The following TNKS variants were observed in gnomAD, a reference collection of about 807,000 sequenced individuals.
The protein encoded by TNKS is poly [ADP-ribose] polymerase tankyrase-1.
Under a neutral mutation model 135.8 loss-of-function variants are expected in TNKS, and 72 were observed. The observed-to-expected ratio is 0.53, with a 90% CI of 0.44 to 0.64. The LOEUF (loss-of-function observed/expected upper bound fraction) is 0.64, where lower values mean the gene tolerates loss of function less well. Ranked by LOEUF, TNKS falls within the 30% of genes least tolerant of loss-of-function variation. TNKS has a pLI of 0.00. For missense variants in TNKS, 1,769 were observed against 1,674.0 expected, an observed-to-expected ratio of 1.06 and a Z score of -0.99; for synonymous variants, 849 against 649.3, an observed-to-expected ratio of 1.31 and a Z score of -4.68.
chr8:9,593,877 T>TTTATTA (rs199768208), intron 2 of TNKS, among the ~76,000 whole-genome samples: 2 of 130,670 alleles, frequency 1.5e-5, no homozygotes, highest in Admixed American at 7.5e-5. Context: ...TATTTATTTA[T>TTTATTA]TTATTATTAT....
At chr8:9,765,912 T>G in intron 24 of TNKS, 115 bp downstream of exon 24, 1 of 831,106 alleles carries the variant, frequency 1.2e-6, no homozygotes, top group Non-Finnish European at 1.9e-6. Context: ...CGGCTTGTTT[T>G]GATTATTTTG....
chr8:9,588,992 A>G (rs762545371), intron 2 of TNKS, among the ~76,000 whole-genome samples: 5 of 152,192 alleles, frequency 3.3e-5, no homozygotes, highest in Non-Finnish European at 7.3e-5. Flanking sequence ...CATCATGGAT[A>G]TTATTGTCAT....
intron 12 of TNKS, among the ~76,000 whole-genome samples, chr8:9,720,812 A>G (rs1057072637): frequency 2.6e-5 from 4 of 152,188 alleles, no homozygotes; most frequent in Middle Eastern, 3.2e-3. Flanking sequence ...TAAAACTCAT[A>G]TAAACAGTGT....
chr8:9,618,727 T>C (rs969366260), intron 3 of TNKS, among the ~76,000 whole-genome samples: 3 of 152,204 alleles, frequency 2.0e-5, no homozygotes, highest in South Asian at 2.1e-4. Flanking sequence ...TACATTCATT[T>C]GGAAATTGAG....
Position 9,780,497 on chromosome 8 carries a change from A to C in TNKS, c.*3761A>C, listed in dbSNP as rs1295601067. On this transcript the variant is annotated 3_prime_UTR_variant, in exon 27 of 27. Coordinates refer to ENST00000310430, the MANE Select transcript of TNKS (RefSeq NM_003747.3). Reference sequence around the variant, plus strand: ...CAGATCAGTGACAGAAGTGAAAAGAAAGTAATTGTGAAAGTGATGTTTGAG... The same window carrying C: ...CAGATCAGTGACAGAAGTGAAAAGACAGTAATTGTGAAAGTGATGTTTGAG... 1 of 152,196 alleles carries C rather than the reference A, an allele frequency of 6.6e-6. No individual in the cohort carries two copies. The highest frequency in any genetic ancestry group is 1.5e-5 in the Non-Finnish European group (1 of 68,024). The allele number at this position is 152,196 out of a possible 1,614,324, so 9.4% of individuals were successfully genotyped here.
chr8:9,624,040 A>ACG (rs776249130), intron 3 of TNKS, among the ~76,000 whole-genome samples: 11,334 of 151,616 alleles, frequency 0.075, 455 homozygotes, highest in South Asian at 0.17. Context: ...AACAACAACA[A>ACG]AAAACAACTA....
At chr8:9,566,606 T>C (rs929876567) in intron 1 of TNKS, 32 of 141,458 alleles carry the variant, frequency 2.3e-4, no homozygotes, top group African/African-American at 8.4e-4. Flanking sequence ...TTTTTTTTTT[T>C]TTTTTTTTTT....
chr8:9,702,456 A>G (rs1314717802), intron 5 of TNKS, among the ~76,000 whole-genome samples: 1 of 152,204 alleles, frequency 6.6e-6, no homozygotes, highest in African/African-American at 2.4e-5. Flanking sequence ...GAACAAAGAT[A>G]AGGGTAACAG....
At chr8:9,598,148 C>G (rs1377768586) in intron 2 of TNKS, among the ~76,000 whole-genome samples, 2 of 152,116 alleles carry the variant, frequency 1.3e-5, no homozygotes, top group Non-Finnish European at 2.9e-5. Context: ...AGGGTTCACG[C>G]CATTCTCCTG....
In TNKS at chr8:9,690,336, A is replaced by G. The variant is rs375485921; in HGVS notation, c.1107+9536A>G. On this transcript the variant is annotated intron_variant, in intron 5 of 26. Transcript: ENST00000310430. ...AAAATTGAATTAAGTTGGCATTCAGAGCTTTATTCTCACAGAGATTACCCT... is the reference window on the plus strand; with the variant it reads ...AAAATTGAATTAAGTTGGCATTCAGGGCTTTATTCTCACAGAGATTACCCT... Among the ~76,000 whole-genome samples the G allele has an allele frequency of 1.1e-4, 16 of 152,342 alleles. No homozygotes were observed. In the East Asian group the frequency reaches 1.2e-3, roughly 11 times the overall value.
At chr8:9,564,585 G>A (rs1797454306) in intron 1 of TNKS, among the ~76,000 whole-genome samples, 1 of 152,104 alleles carries the variant, frequency 6.6e-6, no homozygotes, top group South Asian at 2.1e-4. Flanking sequence ...AAGAATCTTT[G>A]GGTAGCTTAC....
At chr8:9,759,449 G>C (rs188724011) in intron 20 of TNKS, among the ~76,000 whole-genome samples, 3 of 152,356 alleles carry the variant, frequency 2.0e-5, no homozygotes, top group Non-Finnish European at 4.4e-5. Context: ...CGTTAGGTGT[G>C]AGAGCTCCTC....
chr8:9,616,677 C>T (rs1032796400), intron 3 of TNKS, among the ~76,000 whole-genome samples: 28 of 152,154 alleles, frequency 1.8e-4, no homozygotes, highest in African/African-American at 6.5e-4. Context: ...CATAGAAAAA[C>T]AACTTTGCAC....
intron 11 of TNKS, among the ~76,000 whole-genome samples, chr8:9,719,292 C>T (rs921200778): frequency 5.3e-5 from 8 of 152,204 alleles, no homozygotes; most frequent in Admixed American, 1.3e-4. Flanking sequence ...TTTATCCTTT[C>T]TTTTCTTAAT....
intron 3 of TNKS, among the ~76,000 whole-genome samples, chr8:9,664,936 G>T (rs77868273): frequency 0.011 from 1,687 of 152,146 alleles, 30 homozygotes; most frequent in African/African-American, 0.037. Context: ...TCCATTGTTG[G>T]GTAACTTAAA....
chr8:9,579,303 A>G (rs1798076378), intron 1 of TNKS, among the ~76,000 whole-genome samples: 1 of 152,154 alleles, frequency 6.6e-6, no homozygotes, highest in Non-Finnish European at 1.5e-5. Flanking sequence ...CCCCAAGAAT[A>G]GATATTTTGG....
At chr8:9,727,083 T>C (rs1805199383) in intron 13 of TNKS, among the ~76,000 whole-genome samples, 1 of 152,212 alleles carries the variant, frequency 6.6e-6, no homozygotes, top group East Asian at 1.9e-4. Flanking sequence ...ATGTATAAAC[T>C]AGATCGAGCC....
chr8:9,606,298 CTTCTG>C (rs1187434205), intron 2 of TNKS, among the ~76,000 whole-genome samples: 4 of 151,292 alleles, frequency 2.6e-5, no homozygotes, highest in African/African-American at 9.7e-5. Flanking sequence ...TATGAGCTGT[CTTCTG>C]TTCTGTTGGT....
At chr8:9,684,619 G>C (rs1802911006) in intron 5 of TNKS, among the ~76,000 whole-genome samples, 1 of 152,030 alleles carries the variant, frequency 6.6e-6, no homozygotes, top group South Asian at 2.1e-4. Flanking sequence ...TCTGCCTACT[G>C]TTGCTACTAG....
Sources: allele counts gnomAD v4.1 joint callset (sites outside exome capture counted in the v4.1 genomes callset), GRCh38; gene constraint gnomAD v4.1.1; transcripts MANE v1.5; gene names NCBI Gene and HGNC (gene_info 2026-07-23, HGNC 2026-07-21).